The following HSPA12A variants were observed in gnomAD, a reference collection of about 807,000 sequenced individuals.
HSPA12A encodes the protein heat shock protein family A (Hsp70) member 12A.
HSPA12A carries 28 observed loss-of-function variants against 69.2 expected under a neutral mutation model. That is an observed-to-expected ratio of 0.40 (90% CI 0.30 to 0.55). The LOEUF is 0.55. HSPA12A is among the 20% of genes least tolerant of loss of function. The pLI is 0.38. For synonymous variants in HSPA12A, 345 were observed against 370.5 expected (o/e 0.93, Z 0.79); for missense variants, 686 against 900.7 (o/e 0.76, Z 3.05).
At chr10:116,776,239 C>T (rs1171130117) in intron 2 of HSPA12A, among the ~76,000 whole-genome samples, 20 of 152,236 alleles carry the variant, frequency 1.3e-4, no homozygotes, top group Non-Finnish European at 1.3e-4. Context: ...CAAGGAGCAT[C>T]TCAGGTCCGT....
intron 1 of HSPA12A, among the ~76,000 whole-genome samples, chr10:116,728,563 C>G (rs1554885333): frequency 2.0e-5 from 3 of 152,218 alleles, no homozygotes. Flanking sequence ...CCATCATGAA[C>G]TAGTCCAAAG....
intron 2 of HSPA12A, among the ~76,000 whole-genome samples, chr10:116,758,717 T>C (rs551537896): frequency 6.6e-6 from 1 of 152,332 alleles, no homozygotes; most frequent in South Asian, 2.1e-4. Flanking sequence ...TATATATTTA[T>C]CAAATGTTTC....
At chr10:116,833,335 A>T (rs1845654220) in intron 2 of HSPA12A, 1 of 152,248 alleles carries the variant, frequency 6.6e-6, no homozygotes, top group Non-Finnish European at 1.5e-5. Flanking sequence ...TTGCCATAGG[A>T]CTGCTTCTTT....
intron 2 of HSPA12A, among the ~76,000 whole-genome samples, chr10:116,806,889 A>G (rs1327264834): frequency 6.6e-6 from 1 of 152,226 alleles, no homozygotes; most frequent in East Asian, 1.9e-4. Flanking sequence ...GATGTAATTA[A>G]GGATTTGGAG....
intron 1 of HSPA12A, among the ~76,000 whole-genome samples, chr10:116,727,098 A>G (rs371847897): frequency 6.6e-6 from 1 of 152,212 alleles, no homozygotes; most frequent in Admixed American, 6.5e-5. Context: ...ACTATATTCA[A>G]TTCATAAAAG....
At chr10:116,784,291 C>A (rs1157416307) in intron 2 of HSPA12A, among the ~76,000 whole-genome samples, 2 of 152,250 alleles carry the variant, frequency 1.3e-5, no homozygotes, top group East Asian at 3.8e-4. Flanking sequence ...CAAGGCAGGC[C>A]GCTCCTGACC....
intron 2 of HSPA12A, among the ~76,000 whole-genome samples, chr10:116,761,570 TA>T (rs67407142): frequency 0.96 from 142,118 of 148,796 alleles, 68,135 homozygotes; most frequent in Non-Finnish European, 1. Flanking sequence ...CTAAAAAAAG[TA>T]AAAAAAATAA....
chr10:116,774,848 G>T (rs1374943794), intron 2 of HSPA12A, among the ~76,000 whole-genome samples: 2 of 152,200 alleles, frequency 1.3e-5, no homozygotes, highest in Non-Finnish European at 2.9e-5. Context: ...GGCCCCTGCA[G>T]GCCCCAGTCC....
rs1851367587 is a variant in HSPA12A at position 116,738,034 on chromosome 10, T to C, written c.40+4396A>G. ...ACGCTGCTCATTCATTAAAAGCCCC[T>C]GATTCCTCCCCGCTGTTCTAATTAT... On this transcript the variant is annotated intron_variant, in intron 1 of 11. Transcript: ENST00000369209. Among the ~76,000 whole-genome samples the C allele has an allele frequency of 2.0e-5, 3 of 152,304 alleles. No homozygotes were observed. The South Asian group carries it at 6.2e-4, about 32-fold the overall frequency.
In HSPA12A at chr10:116,674,644, C is replaced by A; in HGVS notation, c.*137G>T. 1.2e-6 allele frequency: 1 copy of A among 827,008 alleles called. No homozygotes were observed. Among genetic ancestry groups the A allele is most frequent in the Non-Finnish European group, 1.9e-6 (1 of 535,252 alleles). The allele number at this position is 827,008 out of a possible 1,614,324, so 51.2% of individuals were successfully genotyped here. A position where few individuals can be genotyped will look rare whatever the true frequency, so the allele number is the denominator to read the frequency against. On this transcript the variant is annotated 3_prime_UTR_variant, in exon 12 of 12. Coordinates refer to ENST00000369209, the MANE Select transcript of HSPA12A (RefSeq NM_025015.3). ...TCAAAAGTCACTAATTATTTCTAGC[C>A]CTGATTGTTCTCATCTTCCCTGCTG... is the stretch of plus-strand genomic sequence containing the variant.
chr10:116,730,074 T>C (rs1281904052), intron 1 of HSPA12A, among the ~76,000 whole-genome samples: 2 of 152,264 alleles, frequency 1.3e-5, no homozygotes, highest in South Asian at 2.1e-4. Flanking sequence ...TCCCAGCTAC[T>C]TGGGAGGGTG....
chr10:116,750,109 A>C, intron 2 of HSPA12A: 1 of 473,056 alleles, frequency 2.1e-6, no homozygotes, highest in Non-Finnish European at 3.9e-6. Context: ...CCTGTATGGA[A>C]GGGGATATGA....
In HSPA12A at chr10:116,710,045, C is replaced by A. The variant is rs1482949894; in HGVS notation, c.41-2760G>T. Among the ~76,000 whole-genome samples, 18 of 152,196 alleles carry A rather than the reference C, an allele frequency of 1.2e-4. No homozygotes were observed. Among genetic ancestry groups the A allele is most frequent in the African/African-American group, 3.6e-4 (15 of 41,442 alleles). On this transcript the variant is annotated intron_variant, in intron 1 of 11. Transcript: ENST00000369209. This position sits in a 1 kb window ranked among gnomAD's most constrained non-coding sequence, Gnocchi z 4.1. ...TCCTAGACCAGCCTGCTGATCTCCACCATCTTTGCTAATCTCCCAGCACAA... is the reference window on the plus strand; with the variant it reads ...TCCTAGACCAGCCTGCTGATCTCCAACATCTTTGCTAATCTCCCAGCACAA...
intron 2 of HSPA12A, among the ~76,000 whole-genome samples, chr10:116,833,821 T>C (rs1385640082): frequency 6.6e-6 from 1 of 152,188 alleles, no homozygotes; most frequent in Non-Finnish European, 1.5e-5. Flanking sequence ...TGGGTTTTTG[T>C]TTTGTTTTAT....
At chr10:116,688,169 C>T (rs1310194650) in intron 6 of HSPA12A, among the ~76,000 whole-genome samples, 4 of 152,300 alleles carry the variant, frequency 2.6e-5, no homozygotes, top group Admixed American at 1.3e-4. Flanking sequence ...CTAACAGCAA[C>T]GCTCAGTTCT....
At chr10:116,772,298 T>G (rs573779777) in intron 2 of HSPA12A, among the ~76,000 whole-genome samples, 22 of 151,868 alleles carry the variant, frequency 1.4e-4, no homozygotes, top group Non-Finnish European at 2.9e-4. Flanking sequence ...AGAGAGGAGA[T>G]CCCAGGACAG....
At chr10:116,816,521 C>T (rs532188598) in intron 2 of HSPA12A, among the ~76,000 whole-genome samples, 1 of 152,204 alleles carries the variant, frequency 6.6e-6, no homozygotes, top group Non-Finnish European at 1.5e-5. Context: ...ACTGAAGGAG[C>T]GAGCAGAGAA....
At chr10:116,749,038 C>G (rs1554888063) in intron 2 of HSPA12A, among the ~76,000 whole-genome samples, 1 of 152,150 alleles carries the variant, frequency 6.6e-6, no homozygotes, top group Non-Finnish European at 1.5e-5. Flanking sequence ...TGTCATCCCA[C>G]TGATTCACCT....
intron 2 of HSPA12A, among the ~76,000 whole-genome samples, chr10:116,753,207 G>A (rs1476548870): frequency 6.6e-6 from 1 of 152,182 alleles, no homozygotes; most frequent in African/African-American, 2.4e-5. Context: ...ATCCTGCAGG[G>A]CAAACCCATG....
Sources: allele counts gnomAD v4.1 joint callset (sites outside exome capture counted in the v4.1 genomes callset), GRCh38; gene constraint gnomAD v4.1.1; non-coding constraint Gnocchi (gnomAD v3.1); transcripts MANE v1.5; gene names NCBI Gene and HGNC (gene_info 2026-07-23, HGNC 2026-07-21).